Variants in L3MBTL4 observed in about 807,000 individuals in gnomAD.
L3MBTL4 encodes lethal(3)malignant brain tumor-like protein 4.
In L3MBTL4, 70 loss-of-function variants were observed where a neutral mutation model predicts 84.5. That is an observed-to-expected ratio of 0.83 (90% CI 0.68 to 1.01). The LOEUF is 1.01. L3MBTL4 is among the 50% of genes least tolerant of loss of function. The pLI is 0.00. For synonymous variants in L3MBTL4, 274 were observed against 259.8 expected (o/e 1.05, Z -0.52); for missense variants, 715 against 754.8 (o/e 0.95, Z 0.62).
At chr18:6,204,868 C>T (rs1313516466) in intron 12 of L3MBTL4, among the ~76,000 whole-genome samples, 1 of 152,230 alleles carries the variant, frequency 6.6e-6, no homozygotes, top group African/African-American at 2.4e-5. Flanking sequence ...GGGCCCACAG[C>T]TCCTGGGATG....
intron 12 of L3MBTL4, among the ~76,000 whole-genome samples, chr18:6,182,747 C>T (rs957733486): frequency 1.3e-5 from 2 of 152,128 alleles, no homozygotes; most frequent in Non-Finnish European, 2.9e-5. Flanking sequence ...TAGTTTCAAT[C>T]TTCTGCATAT....
At chr18:6,252,942 G>A (rs1159095085) in intron 5 of L3MBTL4, among the ~76,000 whole-genome samples, 2 of 152,154 alleles carry the variant, frequency 1.3e-5, no homozygotes, top group Admixed American at 6.5e-5. Context: ...GGTGGCTCAC[G>A]CCTGTAATCC....
At chr18:6,296,900 T>A (rs910838778) in intron 4 of L3MBTL4, among the ~76,000 whole-genome samples, 10 of 152,172 alleles carry the variant, frequency 6.6e-5, no homozygotes, top group Admixed American at 6.5e-4. Context: ...GGAGTAAGGA[T>A]GTCTCCAGGA....
At chr18:6,056,363 C>A (rs1222191930) in intron 16 of L3MBTL4, among the ~76,000 whole-genome samples, 1 of 152,118 alleles carries the variant, frequency 6.6e-6, no homozygotes, top group Admixed American at 6.5e-5. Context: ...AGTAGTCAGA[C>A]AGGAAGCAAA....
chr18:5,966,486 G>A (rs1165836382), intron 17 of L3MBTL4, among the ~76,000 whole-genome samples: 2 of 151,996 alleles, frequency 1.3e-5, no homozygotes, highest in African/African-American at 4.8e-5. Context: ...GCCCCTTTGC[G>A]GCTCTTCTTT....
intron 16 of L3MBTL4, among the ~76,000 whole-genome samples, chr18:6,002,043 C>T (rs2054238983): frequency 6.6e-6 from 1 of 152,138 alleles, no homozygotes; most frequent in Non-Finnish European, 1.5e-5. Flanking sequence ...CCTGAAAGCA[C>T]CAGAACAAAA....
intron 15 of L3MBTL4, among the ~76,000 whole-genome samples, chr18:6,089,310 T>C (rs2058363020): frequency 6.6e-6 from 1 of 152,212 alleles, no homozygotes; most frequent in Non-Finnish European, 1.5e-5. Context: ...TTTTGTATTA[T>C]ATATAGTATA....
chr18:6,174,121 C>G (rs2044109229), intron 12 of L3MBTL4, among the ~76,000 whole-genome samples: 1 of 151,216 alleles, frequency 6.6e-6, no homozygotes, highest in African/African-American at 2.4e-5. Flanking sequence ...GTAATGAACT[C>G]CCTGATAGAA....
chr18:6,129,026 G>C (rs2059790192), intron 14 of L3MBTL4, among the ~76,000 whole-genome samples: 1 of 152,022 alleles, frequency 6.6e-6, no homozygotes, highest in Admixed American at 6.6e-5. Flanking sequence ...CAACAAGCAG[G>C]AGGATGGCTG....
At chr18:6,170,194 T>C (rs563799920) in intron 13 of L3MBTL4, among the ~76,000 whole-genome samples, 19 of 152,280 alleles carry the variant, frequency 1.2e-4, no homozygotes, top group African/African-American at 4.6e-4. Flanking sequence ...GTTTTCTCAT[T>C]TTTAACCACT....
chr18:6,366,481 G>A (rs1039078987), intron 1 of L3MBTL4, among the ~76,000 whole-genome samples: 10 of 152,140 alleles, frequency 6.6e-5, no homozygotes, highest in Non-Finnish European at 8.8e-5. Context: ...AGAAAAGTTC[G>A]TGTTTTTAAA....
intron 16 of L3MBTL4, among the ~76,000 whole-genome samples, chr18:6,070,751 T>A (rs1456126880): frequency 1.3e-5 from 2 of 151,972 alleles, no homozygotes; most frequent in Non-Finnish European, 2.9e-5. Context: ...GGTGGGAGGA[T>A]CACTTGAGCC....
chr18:6,173,204 A>G (rs184536961), intron 12 of L3MBTL4, among the ~76,000 whole-genome samples: 2 of 152,360 alleles, frequency 1.3e-5, no homozygotes, highest in South Asian at 2.1e-4. Flanking sequence ...TGACCATGAC[A>G]GAGTGCCCTT....
In L3MBTL4 at chr18:5,969,505, A is replaced by C. The variant is rs1430098925; in HGVS notation, c.1502T>G (p.Val501Gly). The C allele has an allele frequency of 2.5e-6, 4 of 1,613,900 alleles. No homozygotes were observed. The highest frequency in any genetic ancestry group is 3.4e-6 in the Non-Finnish European group (4 of 1,179,954). Residue 501 changes from valine to glycine, a missense_variant, in exon 17 of 19, where the codon GTG becomes GGG. By Grantham distance (109) the Val-to-Gly change is moderately radical. Transcript: ENST00000317931. ...VLHQSVSMST[V>G]SAHPFRDLPL... ...AAGGTCCCGAAAAGGGTGGGCTGAC[A>C]CCGTGGACATGGACACTGACTGGTG...
At chr18:5,992,349 T>C (rs2053743344) in intron 16 of L3MBTL4, among the ~76,000 whole-genome samples, 1 of 152,124 alleles carries the variant, frequency 6.6e-6, no homozygotes, top group African/African-American at 2.4e-5. Flanking sequence ...ATCAAACCTG[T>C]AGTATGATAC....
At chr18:6,165,918 G>A (rs1348229147) in intron 13 of L3MBTL4, among the ~76,000 whole-genome samples, 2 of 152,148 alleles carry the variant, frequency 1.3e-5, no homozygotes, top group Non-Finnish European at 2.9e-5. Flanking sequence ...CCATCAGTGT[G>A]CTGTATTCAG....
intron 1 of L3MBTL4, among the ~76,000 whole-genome samples, chr18:6,341,160 GA>G (rs1191454049): frequency 6.6e-6 from 1 of 152,058 alleles, no homozygotes; most frequent in East Asian, 1.9e-4. Context: ...GTAAAGGCTG[GA>G]AGAGGTGACT....
intron 12 of L3MBTL4, 25 bp from the exon 13 acceptor site, chr18:6,171,967 T>G: frequency 9.0e-7 from 1 of 1,107,354 alleles, no homozygotes; most frequent in Non-Finnish European, 1.3e-6. Flanking sequence ...TTTGAATGAT[T>G]AGCATTTAGT....
At chr18:6,055,697 A>G (rs1287344412) in intron 16 of L3MBTL4, among the ~76,000 whole-genome samples, 1 of 152,224 alleles carries the variant, frequency 6.6e-6, no homozygotes, top group Non-Finnish European at 1.5e-5. Flanking sequence ...GAAACAATTA[A>G]AAACCTCTGC....
Sources: allele counts gnomAD v4.1 joint callset (sites outside exome capture counted in the v4.1 genomes callset), GRCh38; gene constraint gnomAD v4.1.1; transcripts MANE v1.5; gene names NCBI Gene and HGNC (gene_info 2026-07-23, HGNC 2026-07-21).